The following PEX26 variants were observed in gnomAD, a reference collection of about 807,000 sequenced individuals.
The protein encoded by PEX26 is peroxisome assembly protein 26.
A neutral mutation model predicts 31.4 loss-of-function variants in PEX26; 18 were observed. That is an observed-to-expected ratio of 0.57 (90% CI 0.40 to 0.85). PEX26 has a LOEUF of 0.85. Among genes scored for constraint, PEX26 ranks in the 40% least tolerant of loss-of-function variants. PEX26 has a pLI of 0.00. For synonymous variants in PEX26, 176 were observed against 166.9 expected (o/e 1.05, Z -0.42); for missense variants, 377 against 383.9 (o/e 0.98, Z 0.15).
At position 18,090,660 on chromosome 22, in the gene PEX26, T is replaced by C. The variant is rs1037866585; in HGVS notation, c.*2585T>C. The C allele has an allele frequency of 6.6e-6, 1 of 152,144 alleles. No homozygotes were observed. The highest frequency in any genetic ancestry group is 1.5e-5 in the Non-Finnish European group (1 of 68,068). 9.4% of individuals were successfully genotyped at this position (152,144 alleles called of 1,614,324 possible). On this transcript the variant is annotated 3_prime_UTR_variant, in exon 5 of 5. Transcript: ENST00000399744. ...GGGGTAATTGCGTATCAACAGTGGA[T>C]TTGCTGGTTGTTTCTACAGGGTTCT...
chr22:18,083,702 T>C lies in PEX26; in HGVS notation c.637T>C (p.Ser213Pro). Residue 213 changes from serine to proline, a missense_variant, in exon 3 of 5, where the codon TCT becomes CCT. Ser to Pro is a moderately conservative substitution (Grantham distance 74, BLOSUM62 -1). Coordinates refer to ENST00000399744, the MANE Select transcript of PEX26 (RefSeq NM_001127649.3). ...RQQQKQEHSG[S>P]EEAQKPNLEG... ...GCAGCAGAAACAGGAACACTCAGGC[T>C]CTGAGGAGGCCCAGAAGCCAAACCT... The C allele has an allele frequency of 1.2e-6, 2 of 1,614,002 alleles. No individual in the cohort carries two copies. The highest frequency in any genetic ancestry group is 1.7e-6 in the Non-Finnish European group (2 of 1,180,016).
In PEX26 at chr22:18,099,720, G is replaced by A. The variant is rs747070179; in HGVS notation, c.*11645G>A. On this transcript the variant is annotated 3_prime_UTR_variant, in exon 5 of 5. Transcript: ENST00000399744. ...GAAGTCAGCCAAAGCCTCTGCCTCTGAAGGCTGTAGGCAAGATTCCTTCCT... is the reference window on the plus strand; with the variant it reads ...GAAGTCAGCCAAAGCCTCTGCCTCTAAAGGCTGTAGGCAAGATTCCTTCCT... 8 of 152,212 alleles carry A rather than the reference G, an allele frequency of 5.3e-5. No homozygotes were observed. The highest frequency in any genetic ancestry group is 2.1e-4 in the South Asian group (1 of 4,826). 9.4% of individuals were successfully genotyped at this position (152,212 alleles called of 1,614,324 possible).
At chr22:18,081,151 T>TTA (rs60289884) in intron 2 of PEX26, among the ~76,000 whole-genome samples, 41 of 141,376 alleles carry the variant, frequency 2.9e-4, no homozygotes, top group South Asian at 1.1e-3. Context: ...TAGTATTCCA[T>TTA]TATATATATA....
At chr22:18,082,636 T>C (rs191865229) in intron 2 of PEX26, among the ~76,000 whole-genome samples, 14 of 152,350 alleles carry the variant, frequency 9.2e-5, no homozygotes, top group African/African-American at 7.2e-5. Context: ...TCAGGTAATA[T>C]GATACCTCCA....
rs769869696 is a variant in PEX26 at position 18,092,894 on chromosome 22, A to G, written c.*4819A>G. ...AACAAGAAAAAAACAAAAAGTTTAC[A>G]AAAGAAAAAAAGATACAGAAAAAGA... is the stretch of plus-strand genomic sequence containing the variant. On this transcript the variant is annotated 3_prime_UTR_variant, in exon 5 of 5. Coordinates refer to ENST00000399744, the MANE Select transcript of PEX26 (RefSeq NM_001127649.3). The G allele has an allele frequency of 1.3e-5, 2 of 152,050 alleles. No individual in the cohort carries two copies. Among genetic ancestry groups the G allele is most frequent in the Non-Finnish European group, 2.9e-5 (2 of 68,018 alleles). 9.4% of individuals were successfully genotyped at this position (152,050 alleles called of 1,614,324 possible).
In PEX26 at chr22:18,098,902, A is replaced by G. The variant is rs933204030; in HGVS notation, c.*10827A>G. The G allele has an allele frequency of 6.6e-6, 1 of 152,188 alleles. No individual in the cohort carries two copies. Among genetic ancestry groups the G allele is most frequent in the Non-Finnish European group, 1.5e-5 (1 of 68,034 alleles). 9.4% of individuals were successfully genotyped at this position (152,188 alleles called of 1,614,324 possible). A position where few individuals can be genotyped will look rare whatever the true frequency, so the allele number is the denominator to read the frequency against. On this transcript the variant is annotated 3_prime_UTR_variant, in exon 5 of 5. Transcript: ENST00000399744. ...GATATGGATGTTTGCATATAGGCAC[A>G]TTTAGCTGGATTAAGTTAGATTTAA...
Position 18,097,258 on chromosome 22 carries a change from GTTTTTT to G in PEX26, c.*9192_*9197del, listed in dbSNP as rs1244157956. ...ACCCCAATGGCAGCTATGGCCGTTA[GTTTTTT>G]TTTTTTTTCTTTTTTTTGAGACAGA... is the stretch of plus-strand genomic sequence containing the variant. On this transcript the variant is annotated 3_prime_UTR_variant, in exon 5 of 5. Transcript: ENST00000399744. The G allele has an allele frequency of 7.0e-6, 1 of 142,990 alleles. No homozygotes were observed. The highest frequency in any genetic ancestry group is 2.6e-5 in the African/African-American group (1 of 38,978). The allele number at this position is 142,990 out of a possible 1,614,324, so 8.9% of individuals were successfully genotyped here.
At chr22:18,082,851 T>C (rs1395466871) in intron 2 of PEX26, among the ~76,000 whole-genome samples, 1 of 152,272 alleles carries the variant, frequency 6.6e-6, no homozygotes, top group Non-Finnish European at 1.5e-5. Context: ...ATTTTTTGTG[T>C]GTCCCCTTCA....
rs1370499214 is a variant in PEX26 at position 18,093,994 on chromosome 22, G to T, written c.*5919G>T. 6.6e-6 allele frequency: 1 copy of T among 152,186 alleles called. No homozygotes were observed. The highest frequency in any genetic ancestry group is 2.1e-4 in the South Asian group (1 of 4,832). 9.4% of individuals were successfully genotyped at this position (152,186 alleles called of 1,614,324 possible). ...CCAAGGGCTGGATCCAAATATGTGG[G>T]GTTGGGATTCTGTGACCTACTTCCA... On this transcript the variant is annotated 3_prime_UTR_variant, in exon 5 of 5. Transcript: ENST00000399744.
chr22:18,103,161 C>T lies in PEX26; in HGVS notation c.*15086C>T, dbSNP rs890078730. ...GAGGTAGAGAGTAGAATGACAATTA[C>T]TAGAGGCTGGGCAGGGTGTGTATGT... is the stretch of plus-strand genomic sequence containing the variant. On this transcript the variant is annotated 3_prime_UTR_variant, in exon 5 of 5. Transcript: ENST00000399744. 6 of 145,542 alleles carry T rather than the reference C, an allele frequency of 4.1e-5. No individual in the cohort carries two copies. Among genetic ancestry groups the T allele is most frequent in the African/African-American group, 1.5e-4 (6 of 39,654 alleles). 9.0% of individuals were successfully genotyped at this position (145,542 alleles called of 1,614,324 possible).
At chr22:18,083,156 GCTATGACCTCCAGTA>G (rs935069230) in intron 2 of PEX26, among the ~76,000 whole-genome samples, 6 of 152,098 alleles carry the variant, frequency 3.9e-5, no homozygotes, top group African/African-American at 1.4e-4. Context: ...GATTGCTCTG[GCTATGACCTCCAGTA>G]CTATGTTGAA....
rs1927362030 is a variant in PEX26 at position 18,098,587 on chromosome 22, C to T, written c.*10512C>T. On this transcript the variant is annotated 3_prime_UTR_variant, in exon 5 of 5. Transcript: ENST00000399744. ...GCAGAGGTTGCAGTGAGCTGAGATCCTGCCACTGCACTCCAGTCTGGGCGA... is the reference window on the plus strand; with the variant it reads ...GCAGAGGTTGCAGTGAGCTGAGATCTTGCCACTGCACTCCAGTCTGGGCGA... 1 of 151,258 alleles carries T rather than the reference C, an allele frequency of 6.6e-6. No individual in the cohort carries two copies. The highest frequency in any genetic ancestry group is 6.6e-5 in the Admixed American group (1 of 15,180). 9.4% of individuals were successfully genotyped at this position (151,258 alleles called of 1,614,324 possible). A position where few individuals can be genotyped will look rare whatever the true frequency, so the allele number is the denominator to read the frequency against.
chr22:18,082,062 GTTT>G (rs10627489), intron 2 of PEX26, among the ~76,000 whole-genome samples: 1 of 99,386 alleles, frequency 1.0e-5, no homozygotes, highest in Non-Finnish European at 2.4e-5. Flanking sequence ...TTTGAATCAG[GTTT>G]TTTTTTTTTT....
At chr22:18,086,809 T>C (rs1009662153) in intron 4 of PEX26, among the ~76,000 whole-genome samples, 26 of 152,274 alleles carry the variant, frequency 1.7e-4, no homozygotes, top group African/African-American at 5.8e-4. Context: ...GAAGTGCCAT[T>C]TGTTAACTTA....
At chr22:18,078,942 GCCC>G in intron 1 of PEX26, 1 of 447,484 alleles carries the variant, frequency 2.2e-6, no homozygotes, top group Non-Finnish European at 4.3e-6. Context: ...CGCCCTCCCC[GCCC>G]CGCCCAAGGT....
At chr22:18,082,419 C>G (rs1421159846) in intron 2 of PEX26, among the ~76,000 whole-genome samples, 1 of 152,166 alleles carries the variant, frequency 6.6e-6, no homozygotes, top group African/African-American at 2.4e-5. Flanking sequence ...TGGTCTCCTG[C>G]ATATGGATAT....
intron 1 of PEX26, chr22:18,078,858 G>A (rs1926426440): frequency 1.5e-6 from 1 of 675,880 alleles, no homozygotes; most frequent in Admixed American, 2.0e-5. Context: ...ATGACATGAT[G>A]GGAAGGCTGA....
At chr22:18,085,368 T>C in intron 4 of PEX26, 110 bp downstream of exon 4, 1 of 1,123,988 alleles carries the variant, frequency 8.9e-7, no homozygotes, top group Non-Finnish European at 1.3e-6. Context: ...GAGTCTCTCC[T>C]ATGACATTTC....
At chr22:18,081,708 A>C in intron 2 of PEX26, 1 of 159,724 alleles carries the variant, frequency 6.3e-6, no homozygotes, top group Admixed American at 6.5e-5. Flanking sequence ...CCAGGCCTTC[A>C]TGGCATTCTC....
Sources: gnomAD v4.1 joint callset for allele counts (sites outside exome capture counted in the v4.1 genomes callset) on GRCh38, gnomAD v4.1.1 for gene constraint, MANE v1.5 for transcripts, NCBI Gene and HGNC (gene_info 2026-07-23, HGNC 2026-07-21) for gene names.